CCDC18: variants seen among roughly 807,000 people sequenced by gnomAD.
The protein encoded by CCDC18 is coiled-coil domain-containing protein 18.
CCDC18 carries 157 observed loss-of-function variants against 196.0 expected under a neutral mutation model. The observed-to-expected ratio is 0.80, with a 90% confidence interval of 0.70 to 0.91. The LOEUF (loss-of-function observed/expected upper bound fraction) is 0.91. Ranked by LOEUF, CCDC18 falls within the 40% of genes least tolerant of loss-of-function variation. The pLI, the probability that CCDC18 is intolerant of heterozygous loss-of-function variation, is 0.00. For missense variants in CCDC18, 1,465 were observed against 1,611.6 expected (o/e 0.91, Z 1.56); for synonymous variants, 482 against 529.2 (o/e 0.91, Z 1.22).
chr1:93,180,477 C>A, upstream of CCDC18: 1 of 1,503,878 alleles, frequency 6.6e-7, no homozygotes, highest in Admixed American at 2.2e-5. Context: ...TCTCGGCCCC[C>A]TCAGGCCAGG....
rs1650680859 is a variant in CCDC18, at chr1:93,186,393, G to T, written c.352G>T (p.Glu118Ter). The T allele has an allele frequency of 6.2e-7, 1 of 1,612,166 alleles. No homozygotes were observed. Among genetic ancestry groups the T allele is most frequent in the Admixed American group, 1.7e-5 (1 of 59,856 alleles). Residue 118 changes from glutamate to a stop codon, truncating the protein, a stop_gained, in exon 4 of 29, where the codon GAG becomes TAG. Transcript: ENST00000690025. LOFTEE classifies it high-confidence loss of function. The stretch of plus-strand genomic sequence containing the variant: ...GGATCAGGAGATTAAAAGCCTTCGA[G>T]AGAAACTAAATAAACTTAGGCAACA... ...PVDQEIKSLR[E>*]KLNKLRQQNA...
intron 17 of CCDC18, among the ~76,000 whole-genome samples, chr1:93,229,877 G>A (rs950787830): frequency 1.1e-4 from 17 of 152,024 alleles, no homozygotes; most frequent in Admixed American, 2.0e-4. Flanking sequence ...AAGTAGATGC[G>A]ACTAAGCCTA....
upstream of CCDC18, chr1:93,180,105 C>T (rs1335329862): frequency 1.2e-6 from 2 of 1,613,832 alleles, no homozygotes; most frequent in Non-Finnish European, 1.7e-6. Context: ...GGTAGAAGCA[C>T]TCCTTCTGGC....
At position 93,214,851 on chromosome 1, in the gene CCDC18, T is replaced by C. The variant is rs202116138; in HGVS notation, c.1604T>C (p.Ile535Thr). The C allele has an allele frequency of 2.5e-6, 4 of 1,613,640 alleles. No individual in the cohort carries two copies. The highest frequency in any genetic ancestry group is 1.3e-5 in the African/African-American group (1 of 75,018). ...GAACTACGTACTAAGCTGATACAAA[T>C]AGAAGCTGAAAATTCTGATTTGAAG... ...IEELRTKLIQ[I>T]EAENSDLKVN... is the part of the protein sequence containing the mutation. The change falls in exon 12 of 29, where the codon ATA becomes ACA. Residue 535 changes from isoleucine (I) to threonine (T), a missense_variant. Coordinates refer to ENST00000690025, the MANE Select transcript of CCDC18 (RefSeq NM_001378204.1).
rs753523522 is a variant in CCDC18 at position 93,184,002 on chromosome 1, T to G, written c.159T>G (p.Asp53Glu). 6.4e-7 allele frequency: 1 copy of G among 1,550,480 alleles called. No individual in the cohort carries two copies. Among genetic ancestry groups the G allele is most frequent in the Non-Finnish European group, 8.7e-7 (1 of 1,142,868 alleles). ...LSSVSPSENS[D>E]YAPNPSRSEK... ...GTGTTAGTCCAAGTGAAAATTCTGA[T>G]TATGCCCCTAATCCTTCAAGGTCTG... The change falls in exon 3 of 29, where the codon GAT becomes GAG. Residue 53 changes from aspartate to glutamate, a missense_variant. Physicochemically the swap from Asp to Glu is conservative, Grantham distance 45. Coordinates refer to ENST00000690025, the MANE Select transcript of CCDC18 (RefSeq NM_001378204.1).
Position 93,256,544 on chromosome 1 carries a change from C to A in CCDC18, c.3546+6C>A. On this transcript the variant is annotated splice_donor_region_variant and intron_variant, in intron 25 of 28. Coordinates refer to ENST00000690025, the MANE Select transcript of CCDC18 (RefSeq NM_001378204.1). Reference sequence around the variant, plus strand: ...AGCAACTCTCTAAAGAGAAAGTAATCCCTATTTTAAATAATCTTATGTATC... The same window carrying A: ...AGCAACTCTCTAAAGAGAAAGTAATACCTATTTTAAATAATCTTATGTATC... 6.3e-7 allele frequency: 1 copy of A among 1,598,950 alleles called. No individual in the cohort carries two copies. Among genetic ancestry groups the A allele is most frequent in the Non-Finnish European group, 8.6e-7 (1 of 1,167,016 alleles).
intron 13 of CCDC18, among the ~76,000 whole-genome samples, chr1:93,217,369 C>T (rs1283233220): frequency 1.3e-5 from 2 of 152,166 alleles, no homozygotes; most frequent in Non-Finnish European, 2.9e-5. Context: ...GAAGTATAAA[C>T]TACTGTGGTT....
chr1:93,202,697 A>G (rs550697558), intron 7 of CCDC18, among the ~76,000 whole-genome samples: 3 of 152,222 alleles, frequency 2.0e-5, no homozygotes, highest in Non-Finnish European at 4.4e-5. Context: ...GTGTTCATTT[A>G]TTAAACAATC....
In CCDC18 at chr1:93,239,687, G is replaced by T; in HGVS notation, c.2772G>T (p.Lys924Asn). 1 of 1,603,254 alleles carries T rather than the reference G, an allele frequency of 6.2e-7. No homozygotes were observed. The highest frequency in any genetic ancestry group is 8.5e-7 in the Non-Finnish European group (1 of 1,172,316). ...TELEKKTNAV[K>N]ELEKLQHSTE... is the part of the protein sequence containing the mutation. Reference sequence around the variant, plus strand: ...ATTATTCTCTCCTCTTAATAGTAAAGGAGTTAGAAAAGTTACAGCACAGTA... The same window carrying T: ...ATTATTCTCTCCTCTTAATAGTAAATGAGTTAGAAAAGTTACAGCACAGTA... The change falls in exon 21 of 29, where the codon AAG becomes AAT. Residue 924 changes from lysine (K) to asparagine (N), a missense_variant. Physicochemically the swap from Lys to Asn is moderately conservative, Grantham distance 94. Transcript: ENST00000690025.
At chr1:93,248,305 C>T (rs58354545) in intron 23 of CCDC18, among the ~76,000 whole-genome samples, 28,318 of 152,010 alleles carry the variant, frequency 0.19, 2,907 homozygotes, top group East Asian at 0.31. Context: ...TGAGCCACTG[C>T]GCCCAGCCTG....
chr1:93,206,874 GT>G (rs1654796503), intron 8 of CCDC18, among the ~76,000 whole-genome samples: 1 of 152,116 alleles, frequency 6.6e-6, no homozygotes, highest in Admixed American at 6.5e-5. Context: ...CACTAGGAAA[GT>G]TATATAACCT....
intron 26 of CCDC18, among the ~76,000 whole-genome samples, chr1:93,262,864 C>T (rs1264638284): frequency 6.6e-6 from 1 of 152,088 alleles, no homozygotes; most frequent in Non-Finnish European, 1.5e-5. Flanking sequence ...CCACAGCAGA[C>T]TTCTGCTTGG....
chr1:93,217,060 G>A (rs1323763781), intron 13 of CCDC18, among the ~76,000 whole-genome samples: 1 of 149,880 alleles, frequency 6.7e-6, no homozygotes, highest in African/African-American at 2.5e-5. Context: ...TCAGCCTCCC[G>A]AGTAGCTGGG....
At chr1:93,273,626 C>T (rs907525225) in intron 28 of CCDC18, 3 of 152,180 alleles carry the variant, frequency 2.0e-5, no homozygotes, top group African/African-American at 4.8e-5. Flanking sequence ...GTCCCTTTCT[C>T]CCCTATCACA....
chr1:93,197,367 AATAAGAAATAT>A (rs1165871091), intron 6 of CCDC18, among the ~76,000 whole-genome samples: 2 of 152,206 alleles, frequency 1.3e-5, no homozygotes, highest in Admixed American at 1.3e-4. Flanking sequence ...ATCGGTAAGC[AATAAGAAATAT>A]ATAAGAAATA....
intron 26 of CCDC18, among the ~76,000 whole-genome samples, chr1:93,259,105 G>A (rs916101079): frequency 2.6e-5 from 4 of 152,096 alleles, no homozygotes; most frequent in Non-Finnish European, 5.9e-5. Flanking sequence ...AGCTCACCAC[G>A]GAGCCACCTG....
At chr1:93,270,907 A>C in intron 28 of CCDC18, 93 bp downstream of exon 28, 2 of 1,388,214 alleles carry the variant, frequency 1.4e-6, no homozygotes, top group Non-Finnish European at 1.9e-6. Flanking sequence ...TAAATGAAAA[A>C]CTACTAATAT....
At chr1:93,204,452 G>A (rs1050815145) in intron 7 of CCDC18, among the ~76,000 whole-genome samples, 3 of 152,056 alleles carry the variant, frequency 2.0e-5, no homozygotes, top group Non-Finnish European at 4.4e-5. Flanking sequence ...TTGCAATAAG[G>A]AAAGCCAAGA....
At chr1:93,277,627 A>T (rs909753773) in intron 28 of CCDC18, among the ~76,000 whole-genome samples, 14 of 149,702 alleles carry the variant, frequency 9.4e-5, no homozygotes, top group African/African-American at 3.3e-4. Flanking sequence ...GGGTAAGGTT[A>T]TAGATTAACA....
Sources: allele counts gnomAD v4.1 joint callset (sites outside exome capture counted in the v4.1 genomes callset), GRCh38; gene constraint gnomAD v4.1.1; transcripts MANE v1.5; gene names NCBI Gene and HGNC (gene_info 2026-07-23, HGNC 2026-07-21).